Variants in PDE4D observed in about 807,000 individuals in gnomAD.
PDE4D encodes 3',5'-cyclic-AMP phosphodiesterase 4D.
Under a neutral mutation model 87.4 loss-of-function variants are expected in PDE4D, and 24 were observed. That is an observed-to-expected ratio of 0.27 (90% CI 0.20 to 0.39). The LOEUF (loss-of-function observed/expected upper bound fraction) is 0.39. Among genes scored for constraint, PDE4D ranks in the 10% least tolerant of loss-of-function variants. PDE4D has a pLI of 1.00. For synonymous variants in PDE4D, 384 were observed against 383.2 expected, an observed-to-expected ratio of 1.00 and a Z score of -0.02; for missense variants, 714 against 1,041.0, an observed-to-expected ratio of 0.69 and a Z score of 4.32.
At chr5:60,104,192 C>G (rs930643251) in intron 2 of PDE4D, among the ~76,000 whole-genome samples, 2 of 152,224 alleles carry the variant, frequency 1.3e-5, no homozygotes, top group African/African-American at 4.8e-5. Flanking sequence ...AAAAAAACGG[C>G]ACACCAGGAG....
At chr5:60,322,415 CAA>C (rs61139229) in intron 1 of PDE4D, among the ~76,000 whole-genome samples, 8 of 136,196 alleles carry the variant, frequency 5.9e-5, no homozygotes, top group African/African-American at 1.5e-4. Context: ...CACACACACA[CAA>C]AACCCTAACA....
At chr5:59,899,704 G>T (rs1752032081) in intron 3 of PDE4D, among the ~76,000 whole-genome samples, 1 of 152,108 alleles carries the variant, frequency 6.6e-6, no homozygotes, top group Non-Finnish European at 1.5e-5. Context: ...ATGGTAGAGT[G>T]GCCTGAAGGA....
At chr5:59,365,243 G>C (rs1337051195) in intron 1 of PDE4D, among the ~76,000 whole-genome samples, 1 of 152,154 alleles carries the variant, frequency 6.6e-6, no homozygotes, top group Non-Finnish European at 1.5e-5. Context: ...CAGATCTCTT[G>C]AGCCCAGGAG....
At chr5:59,721,911 G>T (rs1755883933) in intron 1 of PDE4D, among the ~76,000 whole-genome samples, 1 of 152,046 alleles carries the variant, frequency 6.6e-6, no homozygotes, top group Admixed American at 6.6e-5. Context: ...ATCAGGAGAG[G>T]CGCATCCATG....
At chr5:59,212,186 A>G (rs1465021538) in intron 2 of PDE4D, among the ~76,000 whole-genome samples, 2 of 152,180 alleles carry the variant, frequency 1.3e-5, no homozygotes, top group East Asian at 3.8e-4. Flanking sequence ...TGAGAAAATT[A>G]AAGTTTACAC....
At chr5:59,722,684 T>C (rs1032921154) in intron 1 of PDE4D, among the ~76,000 whole-genome samples, 1 of 152,168 alleles carries the variant, frequency 6.6e-6, no homozygotes, top group Non-Finnish European at 1.5e-5. Flanking sequence ...TTATTTCTTA[T>C]AGAGTTACAA....
At chr5:60,221,324 AATAAG>A (rs1364187211) in intron 1 of PDE4D, among the ~76,000 whole-genome samples, 2 of 152,122 alleles carry the variant, frequency 1.3e-5, no homozygotes, top group African/African-American at 4.8e-5. Flanking sequence ...TAAATATAAA[AATAAG>A]ATATTATTAA....
chr5:59,334,428 T>G (rs1426159429), intron 1 of PDE4D, among the ~76,000 whole-genome samples: 1 of 151,866 alleles, frequency 6.6e-6, no homozygotes, highest in Non-Finnish European at 1.5e-5. Context: ...CTGGCTAATT[T>G]TTGTATTTTT....
At chr5:60,323,454 T>C (rs1360011077) in intron 1 of PDE4D, among the ~76,000 whole-genome samples, 1 of 152,102 alleles carries the variant, frequency 6.6e-6, no homozygotes, top group Non-Finnish European at 1.5e-5. Context: ...ACCTCCCAAC[T>C]ACATCTGATA....
At position 59,470,817 on chromosome 5, in the gene PDE4D, T is replaced by C. The variant is rs184357485; in HGVS notation, c.456-254849A>G. ...AGAAAAGTTCACAAATTTAATTCTATATATAAAGAGATTTGTTTTTTCCTA... is the reference window on the plus strand; with the variant it reads ...AGAAAAGTTCACAAATTTAATTCTACATATAAAGAGATTTGTTTTTTCCTA... On this transcript the variant is annotated intron_variant, in intron 1 of 14. Transcript: ENST00000340635. 5.6e-4 allele frequency among the ~76,000 whole-genome samples: 85 copies of C among 152,304 alleles called. No individual in the cohort carries two copies. The Middle Eastern group carries it at 0.014, about 24-fold the overall frequency.
At chr5:59,057,629 A>G (rs1419998200) in intron 5 of PDE4D, among the ~76,000 whole-genome samples, 1 of 152,192 alleles carries the variant, frequency 6.6e-6, no homozygotes, top group African/African-American at 2.4e-5. Flanking sequence ...CCCAGCATTT[A>G]TCAATGTGGT....
chr5:59,061,791 A>G (rs1488804417), intron 5 of PDE4D, among the ~76,000 whole-genome samples: 8 of 152,178 alleles, frequency 5.3e-5, no homozygotes, highest in Non-Finnish European at 1.2e-4. Context: ...TGTGTTAGCT[A>G]TCTTCACAGA....
intron 1 of PDE4D, among the ~76,000 whole-genome samples, chr5:59,356,065 A>G (rs998940091): frequency 3.3e-5 from 5 of 152,224 alleles, no homozygotes; most frequent in Admixed American, 3.3e-4. Flanking sequence ...TTTTCTTTCT[A>G]AACAATAATA....
intron 1 of PDE4D, among the ~76,000 whole-genome samples, chr5:59,251,597 C>A (rs889509857): frequency 6.6e-6 from 1 of 152,094 alleles, no homozygotes; most frequent in African/African-American, 2.4e-5. Context: ...ATTAGTTCAA[C>A]CATTGTGGAA....
At chr5:59,350,294 G>T (rs1284089405) in intron 1 of PDE4D, among the ~76,000 whole-genome samples, 1 of 152,026 alleles carries the variant, frequency 6.6e-6, no homozygotes, top group Non-Finnish European at 1.5e-5. Flanking sequence ...CACTGAATTA[G>T]ATGGCATATG....
chr5:59,991,405 T>C (rs989759216), intron 2 of PDE4D, among the ~76,000 whole-genome samples: 1 of 152,170 alleles, frequency 6.6e-6, no homozygotes, highest in Admixed American at 6.5e-5. Flanking sequence ...TGCGGAGGGT[T>C]TGAACAACAC....
intron 1 of PDE4D, among the ~76,000 whole-genome samples, chr5:60,253,935 C>T (rs1171556262): frequency 6.6e-6 from 1 of 151,872 alleles, no homozygotes; most frequent in Non-Finnish European, 1.5e-5. Flanking sequence ...TGATAAATTG[C>T]TAACTCAACA....
At chr5:59,597,514 TGAGA>T (rs1044472919) in intron 1 of PDE4D, among the ~76,000 whole-genome samples, 1 of 150,204 alleles carries the variant, frequency 6.7e-6, no homozygotes, top group Non-Finnish European at 1.5e-5. Context: ...TAAGGAGAGG[TGAGA>T]GAGAGAGAAA....
At chr5:59,437,908 T>C (rs1371299657) in intron 1 of PDE4D, among the ~76,000 whole-genome samples, 1 of 152,168 alleles carries the variant, frequency 6.6e-6, no homozygotes, top group African/African-American at 2.4e-5. Flanking sequence ...TTTGCATGGC[T>C]GGGGAAGCCT....
Sources: gnomAD v4.1 joint callset for allele counts (sites outside exome capture counted in the v4.1 genomes callset) on GRCh38, gnomAD v4.1.1 for gene constraint, MANE v1.5 for transcripts, NCBI Gene and HGNC (gene_info 2026-07-23, HGNC 2026-07-21) for gene names.